BLTP1: variants seen among roughly 807,000 people sequenced by gnomAD.
The protein encoded by BLTP1 is bridge-like lipid transfer protein family member 1, also known as fragile site-associated protein.
the BLTP1 span, chr4:122,249,830 G>C: frequency 7.1e-7 from 1 of 1,418,340 alleles, no homozygotes. Flanking sequence ...CCGGGGGTGA[G>C]TGCCTCATAC....
At chr4:122,308,771 A>G in the BLTP1 span, among the ~76,000 whole-genome samples, 2 of 152,146 alleles carry the variant, frequency 1.3e-5, no homozygotes, top group African/African-American at 2.4e-5. Flanking sequence ...AATAGCATAT[A>G]GAGATCTATA....
chr4:122,257,763 G>T, the BLTP1 span, among the ~76,000 whole-genome samples: 3 of 152,060 alleles, frequency 2.0e-5, no homozygotes, highest in African/African-American at 7.2e-5. Flanking sequence ...TTGGAAAATG[G>T]TCATGGCTTA....
chr4:122,359,882 T>G, the BLTP1 span: 1 of 985,434 alleles, frequency 1.0e-6, no homozygotes, highest in Non-Finnish European at 1.2e-6. Flanking sequence ...TGCTTCTTTC[T>G]GTATTTGTTT....
the BLTP1 span, among the ~76,000 whole-genome samples, chr4:122,345,548 A>C: frequency 7.0e-6 from 1 of 143,584 alleles, no homozygotes; most frequent in African/African-American, 2.5e-5. Flanking sequence ...GGATGGAGCC[A>C]GAAATAGAGA....
the BLTP1 span, chr4:122,154,070 A>G: frequency 4.1e-6 from 4 of 984,926 alleles, no homozygotes; most frequent in Non-Finnish European, 4.8e-6. Flanking sequence ...GAAGAAAAGT[A>G]GAAGGAAAAA....
At chr4:122,316,970 T>C in the BLTP1 span, 2 of 695,664 alleles carry the variant, frequency 2.9e-6, no homozygotes, top group Non-Finnish European at 4.6e-6. Flanking sequence ...CTTTAGTTTA[T>C]CTGTGATATC....
At chr4:122,327,418 AT>A in the BLTP1 span, among the ~76,000 whole-genome samples, 4 of 151,680 alleles carry the variant, frequency 2.6e-5, no homozygotes, top group East Asian at 5.8e-4. Flanking sequence ...TATATGTATT[AT>A]TTTTTATTGT....
At chr4:122,256,195 C>G in the BLTP1 span, 5 of 983,074 alleles carry the variant, frequency 5.1e-6, no homozygotes, top group African/African-American at 8.7e-5. Flanking sequence ...AATGGCCAGT[C>G]AAGCCATTGT....
chr4:122,190,087 T>G, the BLTP1 span: 2 of 1,612,042 alleles, frequency 1.2e-6, no homozygotes, highest in Non-Finnish European at 1.7e-6. Context: ...CAGGTATTGT[T>G]GTTGTTGTTG....
At chr4:122,315,429 C>G in the BLTP1 span, 1 of 1,613,174 alleles carries the variant, frequency 6.2e-7, no homozygotes, top group Non-Finnish European at 8.5e-7. Context: ...ATACCCAGGA[C>G]TTAACAAAAA....
At chr4:122,234,891 C>G in the BLTP1 span, 3 of 1,613,642 alleles carry the variant, frequency 1.9e-6, no homozygotes, top group Non-Finnish European at 2.5e-6. Context: ...TTTCTTCAAA[C>G]TTGAAGAGTT....
the BLTP1 span, chr4:122,204,324 T>C: frequency 1.0e-6 from 1 of 978,148 alleles, no homozygotes; most frequent in Non-Finnish European, 1.2e-6. Context: ...AGGTCTGAAA[T>C]GGTGTTTTTA....
the BLTP1 span, among the ~76,000 whole-genome samples, chr4:122,158,849 A>G: frequency 6.6e-6 from 1 of 152,180 alleles, no homozygotes; most frequent in African/African-American, 2.4e-5. Flanking sequence ...TATGGAGGTG[A>G]GGTTTGGTAA....
the BLTP1 span, chr4:122,169,976 A>C: frequency 1.0e-6 from 1 of 985,302 alleles, no homozygotes; most frequent in South Asian, 4.7e-5. Context: ...TTTAATGTAG[A>C]TGGCTAGTAT....
the BLTP1 span, chr4:122,271,022 G>T: frequency 3.8e-6 from 6 of 1,591,826 alleles, no homozygotes; most frequent in South Asian, 6.8e-5. Flanking sequence ...TTTTAGGCAA[G>T]GCCATGTGAA....
At chr4:122,326,731 A>G in the BLTP1 span, among the ~76,000 whole-genome samples, 2 of 151,756 alleles carry the variant, frequency 1.3e-5, no homozygotes, top group Admixed American at 1.3e-4. Context: ...CATGAATTAT[A>G]TAATAGCTAT....
chr4:122,355,668 A>G, the BLTP1 span: 1,853 of 778,154 alleles, frequency 2.4e-3, 8 homozygotes, highest in Non-Finnish European at 3.1e-3. Context: ...TAGTATATCT[A>G]TATATAATGT....
the BLTP1 span, chr4:122,272,240 A>C: frequency 5.6e-6 from 9 of 1,613,404 alleles, no homozygotes; most frequent in Non-Finnish European, 7.6e-6. Context: ...TAAGACTCAG[A>C]GGAAACGTAG....
the BLTP1 span, among the ~76,000 whole-genome samples, chr4:122,171,603 G>A: frequency 6.7e-6 from 1 of 150,116 alleles, no homozygotes; most frequent in South Asian, 2.1e-4. Context: ...GGGGAATTGA[G>A]GCCCATAAAG....
Sources: allele counts gnomAD v4.1 joint callset (sites outside exome capture counted in the v4.1 genomes callset), GRCh38; gene constraint gnomAD v4.1.1; transcripts MANE v1.5; gene names NCBI Gene and HGNC (gene_info 2026-07-23, HGNC 2026-07-21).